Variants in CEP85L observed in about 807,000 individuals in gnomAD.
CEP85L encodes the protein centrosomal protein of 85 kDa-like.
CEP85L carries 60 observed loss-of-function variants against 100.3 expected under a neutral mutation model. The observed-to-expected ratio is 0.60, with a 90% CI of 0.49 to 0.74. The LOEUF (loss-of-function observed/expected upper bound fraction) is 0.74. Ranked by LOEUF, CEP85L falls within the 30% of genes least tolerant of loss-of-function variation. The probability of loss-of-function intolerance (pLI) is 0.00; values close to 1 mark genes in which losing one functional copy is unlikely to be tolerated. For synonymous variants in CEP85L, 319 were observed against 322.7 expected (o/e 0.99, Z 0.12); for missense variants, 973 against 936.2 (o/e 1.04, Z -0.51).
intron 10 of CEP85L, among the ~76,000 whole-genome samples, chr6:118,479,036 T>C (rs1174985328): frequency 1.3e-5 from 2 of 152,168 alleles, no homozygotes; most frequent in Non-Finnish European, 2.9e-5. Flanking sequence ...ATTCCTTGAA[T>C]TATGGTCCAG....
chr6:118,501,839 G>A (rs1582923910), intron 5 of CEP85L: 1 of 1,286,446 alleles, frequency 7.8e-7, no homozygotes, highest in East Asian at 2.4e-5. Flanking sequence ...AGAGGACTCT[G>A]GAGATGCCGA....
chr6:118,641,481 C>A (rs901500101), intron 1 of CEP85L, among the ~76,000 whole-genome samples: 1 of 152,138 alleles, frequency 6.6e-6, no homozygotes, highest in Non-Finnish European at 1.5e-5. Context: ...CAGGTTAACA[C>A]TAGTGCCCTT....
At chr6:118,646,858 G>T in intron 1 of CEP85L, 1 of 844,322 alleles carries the variant, frequency 1.2e-6, no homozygotes, top group Non-Finnish European at 1.4e-6. Context: ...AACCCTTTCT[G>T]TTCACACACA....
intron 2 of CEP85L, among the ~76,000 whole-genome samples, chr6:118,595,533 CAGTA>C (rs1490268933): frequency 2.0e-5 from 3 of 152,140 alleles, no homozygotes; most frequent in Non-Finnish European, 4.4e-5. Context: ...TCTTGGAACA[CAGTA>C]AGTATTCAAT....
intron 3 of CEP85L, among the ~76,000 whole-genome samples, chr6:118,531,510 A>G (rs1370671021): frequency 6.6e-6 from 1 of 152,184 alleles, no homozygotes; most frequent in Admixed American, 6.5e-5. Flanking sequence ...AAGTTGACAA[A>G]TGGGACCTAA....
chr6:118,492,049 T>C (rs1410948771), intron 5 of CEP85L, among the ~76,000 whole-genome samples, 184 bp from the exon 6 acceptor site: 4 of 152,126 alleles, frequency 2.6e-5, no homozygotes, highest in African/African-American at 9.6e-5. Flanking sequence ...TTACTTACCT[T>C]CTCAAAACCC....
At position 118,709,556 on chromosome 6, in the gene CEP85L, T is replaced by TGTGTGTGTGTGTGTGAGAGA. The variant is rs751698371; in HGVS notation, c.-28+479_-28+480insTCTCTCACACACACACACAC. Among the ~76,000 whole-genome samples the TGTGTGTGTGTGTGTGAGAGA allele has an allele frequency of 4.0e-3, 564 of 142,278 alleles. 5 individuals are homozygous for TGTGTGTGTGTGTGTGAGAGA. Among genetic ancestry groups the TGTGTGTGTGTGTGTGAGAGA allele is most frequent in the Middle Eastern group, 0.014 (4 of 286 alleles). 93.3% of individuals were successfully genotyped at this position (142,278 alleles called of 152,430 possible). On this transcript the variant is annotated intron_variant, in intron 1 of 13. Coordinates refer to the CEP85L transcript ENST00000368488. ...GCGTGTGTGTGTGTGTGTGTGTGTG[T>TGTGTGTGTGTGTGTGAGAGA]GAGAGAGAGAGAGAGAGAGAGAGAG...
chr6:118,706,368 T>C (rs1478416040), intron 1 of CEP85L, among the ~76,000 whole-genome samples: 1 of 152,202 alleles, frequency 6.6e-6, no homozygotes, highest in Non-Finnish European at 1.5e-5. Context: ...CAAGACCTGT[T>C]GATATTCTGA....
intron 3 of CEP85L, among the ~76,000 whole-genome samples, chr6:118,549,567 ACT>A: frequency 6.6e-6 from 1 of 151,774 alleles, no homozygotes; most frequent in Non-Finnish European, 1.5e-5. Flanking sequence ...GAACTTTGTA[ACT>A]CTGTAAGCAG....
intron 3 of CEP85L, among the ~76,000 whole-genome samples, chr6:118,546,980 G>C (rs1166819032): frequency 6.6e-6 from 1 of 152,040 alleles, no homozygotes; most frequent in Non-Finnish European, 1.5e-5. Context: ...ATTTGCTCTA[G>C]AGATGGATTT....
Position 118,579,665 on chromosome 6 carries a change from A to G in CEP85L, c.233-13349T>C, listed in dbSNP as rs144721261. On this transcript the variant is annotated intron_variant, in intron 2 of 12. Transcript: ENST00000368491. ...ATAATAAATGATAATCTGGTCCTTA[A>G]TCTACCTGCACTGTTTGGAGAGATA... Among the ~76,000 whole-genome samples the G allele has an allele frequency of 2.2e-4, 34 of 152,384 alleles. 1 individual carries two copies. Among genetic ancestry groups the G allele is most frequent in the African/African-American group, 8.2e-4 (34 of 41,592 alleles).
Position 118,651,302 on chromosome 6 carries a change from C to T in CEP85L, c.-33G>A, listed in dbSNP as rs1413340120. On this transcript the variant is annotated 5_prime_UTR_variant, in exon 1 of 13. Transcript: ENST00000368491. ...GAGAGGGCCGGGTGGGCCAGGGACG[C>T]CCGACTCCTCACGTCCGTCCTCCTG... 4 of 1,458,232 alleles carry T rather than the reference C, an allele frequency of 2.7e-6. No homozygotes were observed. The highest frequency in any genetic ancestry group is 2.5e-5 in the Admixed American group (1 of 40,634). The allele number at this position is 1,458,232 out of a possible 1,614,324, so 90.3% of individuals were successfully genotyped here. A position where few individuals can be genotyped will look rare whatever the true frequency, so the allele number is the denominator to read the frequency against.
chr6:118,508,945 T>A (rs888229291), intron 5 of CEP85L, among the ~76,000 whole-genome samples: 1 of 152,138 alleles, frequency 6.6e-6, no homozygotes, highest in East Asian at 1.9e-4. Flanking sequence ...CTCACCATTT[T>A]ATTGGCTCTC....
intron 2 of CEP85L, among the ~76,000 whole-genome samples, chr6:118,574,731 G>A (rs1780115914): frequency 6.6e-6 from 1 of 152,006 alleles, no homozygotes; most frequent in Non-Finnish European, 1.5e-5. Flanking sequence ...AGTAGGAAAA[G>A]CCAGGGGGCA....
chr6:118,633,494 G>A (rs148441612), intron 1 of CEP85L, among the ~76,000 whole-genome samples: 1,605 of 152,250 alleles, frequency 0.011, 21 homozygotes, highest in Middle Eastern at 0.044. Context: ...GTGAGCCACC[G>A]CGCCCAGCTA....
chr6:118,465,266 C>A lies in CEP85L; in HGVS notation c.*139G>T. 1.5e-6 allele frequency: 1 copy of A among 688,760 alleles called. No homozygotes were observed. The highest frequency in any genetic ancestry group is 2.8e-5 in the East Asian group (1 of 35,256). 42.7% of individuals were successfully genotyped at this position (688,760 alleles called of 1,614,324 possible). A position where few individuals can be genotyped will look rare whatever the true frequency, so the allele number is the denominator to read the frequency against. On this transcript the variant is annotated 3_prime_UTR_variant, in exon 13 of 13. Coordinates refer to ENST00000368491, the MANE Select transcript of CEP85L (RefSeq NM_001042475.3). ...GCCCCTTCAAAATCTCTTCACTTCC[C>A]TTCTCCCCTTCAACAAAACAAATCC...
chr6:118,643,155 T>C (rs886796532), intron 1 of CEP85L, among the ~76,000 whole-genome samples: 2 of 152,168 alleles, frequency 1.3e-5, no homozygotes, highest in African/African-American at 4.8e-5. Flanking sequence ...TATTACAAAA[T>C]AATTGAGAAA....
intron 2 of CEP85L, among the ~76,000 whole-genome samples, chr6:118,601,520 T>C (rs1463495556): frequency 6.6e-6 from 1 of 152,254 alleles, no homozygotes. Flanking sequence ...ATATTTGAAA[T>C]GATATACATG....
At chr6:118,669,701 A>G (rs1236948806) in intron 1 of CEP85L, among the ~76,000 whole-genome samples, 1 of 152,016 alleles carries the variant, frequency 6.6e-6, no homozygotes, top group Non-Finnish European at 1.5e-5. Context: ...TCATATCCAC[A>G]GTGAATCTAG....
Sources: gnomAD v4.1 joint callset for allele counts (sites outside exome capture counted in the v4.1 genomes callset) on GRCh38, gnomAD v4.1.1 for gene constraint, MANE v1.5 for transcripts, NCBI Gene and HGNC (gene_info 2026-07-23, HGNC 2026-07-21) for gene names.